METTL21A: variants seen among roughly 807,000 people sequenced by gnomAD.
The protein encoded by METTL21A is protein N-lysine methyltransferase METTL21A.
METTL21A carries 22 observed loss-of-function variants against 20.9 expected under a neutral mutation model. The observed-to-expected ratio is 1.05, with a 90% confidence interval of 0.75 to 1.50. The LOEUF is 1.50. METTL21A is among the 40% of genes most tolerant of loss of function. The pLI is 0.00. For synonymous variants in METTL21A, 93 were observed against 102.0 expected (o/e 0.91, Z 0.53); for missense variants, 271 against 266.8 (o/e 1.02, Z -0.11).
At chr2:207,600,606 A>AT (rs537103209) in intron 3 of METTL21A, 5 of 212,302 alleles carry the variant, frequency 2.4e-5, no homozygotes, top group Middle Eastern at 1.5e-3. Context: ...GGAACCACTG[A>AT]TTTTTTCAAA....
At chr2:207,592,008 T>A (rs1040204516) in intron 3 of METTL21A, among the ~76,000 whole-genome samples, 15 of 152,214 alleles carry the variant, frequency 9.9e-5, no homozygotes, top group African/African-American at 3.6e-4. Flanking sequence ...AAACTCTTTT[T>A]TACATTTCTT....
intron 3 of METTL21A, among the ~76,000 whole-genome samples, chr2:207,619,539 T>C (rs1211716082): frequency 6.6e-6 from 1 of 152,160 alleles, no homozygotes; most frequent in African/African-American, 2.4e-5. Context: ...AGCAGAGAAA[T>C]GCTTATGACA....
chr2:207,581,897 G>C, exon 4 of METTL21A: 1 of 702,900 alleles, frequency 1.4e-6, no homozygotes. Flanking sequence ...GAAGAGTAGT[G>C]ATCTGTTTTC....
chr2:207,603,077 T>A (rs979757689), intron 3 of METTL21A: 1 of 211,144 alleles, frequency 4.7e-6, no homozygotes, highest in East Asian at 7.2e-5. Context: ...GATGTTTCTA[T>A]TGGAGTTGAA....
chr2:207,582,893 AAAAAC>A, intron 3 of METTL21A: 3 of 295,364 alleles, frequency 1.0e-5, no homozygotes, highest in South Asian at 8.4e-5. Context: ...TCTGTCTCAA[AAAAAC>A]AAACAAACAA....
intron 3 of METTL21A, among the ~76,000 whole-genome samples, 166 bp downstream of exon 3, chr2:207,621,640 C>A (rs2090490897): frequency 6.6e-6 from 1 of 152,138 alleles, no homozygotes; most frequent in Non-Finnish European, 1.5e-5. Context: ...AGCCCGTTAG[C>A]CTCACTGGAG....
In METTL21A at chr2:207,600,984, T is replaced by C. The variant is rs527365482; in HGVS notation, c.260-18824A>G. The C allele has an allele frequency of 2.8e-4, 27 of 94,876 alleles. No individual in the cohort carries two copies. In the East Asian group the frequency reaches 3.6e-3, roughly 13 times the overall value. 5.9% of individuals were successfully genotyped at this position (94,876 alleles called of 1,614,324 possible). On this transcript the variant is annotated intron_variant, in intron 3 of 3. Coordinates refer to the METTL21A transcript ENST00000425132. ...AGCCACAGTCAGCTATTACCATAAA[T>C]TGGTCTCTGTTTATTTTGAAGATCA...
At position 207,621,870 on chromosome 2, in the gene METTL21A, CCT is replaced by C; in HGVS notation, c.193_194del (p.Arg65GlyfsTer38). 1.9e-6 allele frequency: 3 copies of C among 1,614,172 alleles called. No individual in the cohort carries two copies. The highest frequency in any genetic ancestry group is 2.5e-6 in the Non-Finnish European group (3 of 1,180,034). On this transcript the variant is annotated frameshift_variant, in exon 3 of 4. Transcript: ENST00000406927. LOFTEE classifies it high-confidence loss of function. ...CACCCAGCTCCACGGCAGAGCGGCC[CCT>C]GAGCTCCACAGCTCCCATCTCCAGG...
chr2:207,587,347 C>T (rs747021344), intron 3 of METTL21A, among the ~76,000 whole-genome samples: 11 of 149,800 alleles, frequency 7.3e-5, no homozygotes, highest in Non-Finnish European at 1.5e-4. Context: ...GAGCCGAGAT[C>T]GCACCACCGC....
intron 3 of METTL21A, chr2:207,597,080 T>C (rs774268018): frequency 1.3e-6 from 2 of 1,581,504 alleles, no homozygotes; most frequent in African/African-American, 1.4e-5. Flanking sequence ...AATTTTCACC[T>C]GTTAAGGTGG....
intron 2 of METTL21A, 39 bp downstream of exon 2, chr2:207,624,190 A>T: frequency 6.5e-7 from 1 of 1,544,790 alleles, no homozygotes; most frequent in Non-Finnish European, 8.7e-7. Context: ...CAGTCTTGCA[A>T]GTGTGAACGT....
intron 3 of METTL21A, among the ~76,000 whole-genome samples, chr2:207,620,019 C>T (rs2090292437): frequency 6.6e-6 from 1 of 152,264 alleles, no homozygotes; most frequent in Non-Finnish European, 1.5e-5. Context: ...CACTTTGCTA[C>T]ACTAACATGT....
At chr2:207,622,078 C>T (rs2090555054) in intron 2 of METTL21A, among the ~76,000 whole-genome samples, 161 bp from the exon 3 acceptor site, 1 of 152,132 alleles carries the variant, frequency 6.6e-6, no homozygotes, top group Non-Finnish European at 1.5e-5. Context: ...TAACCTCCCC[C>T]TTAGAGCAAG....
intron 3 of METTL21A, among the ~76,000 whole-genome samples, chr2:207,584,049 A>G (rs2083390583): frequency 6.6e-6 from 1 of 152,236 alleles, no homozygotes; most frequent in African/African-American, 2.4e-5. Flanking sequence ...TTATAGATAT[A>G]CTGTGCTTTG....
chr2:207,616,997 T>C (rs2089848873), intron 3 of METTL21A, among the ~76,000 whole-genome samples: 1 of 152,098 alleles, frequency 6.6e-6, no homozygotes, highest in South Asian at 2.1e-4. Flanking sequence ...TACATGAAGA[T>C]GGTGATAAAA....
chr2:207,619,262 T>C (rs2551942), intron 3 of METTL21A, among the ~76,000 whole-genome samples: 127,746 of 151,394 alleles, frequency 0.84, 54,088 homozygotes, highest in East Asian at 1. Flanking sequence ...AGCCTGTTTA[T>C]TGCCCCATCC....
intron 3 of METTL21A, among the ~76,000 whole-genome samples, chr2:207,595,052 G>A (rs1476501121): frequency 3.5e-5 from 5 of 144,746 alleles, no homozygotes; most frequent in South Asian, 2.2e-4. Flanking sequence ...GTAGAGTGCC[G>A]TGGTGCAATC....
intron 3 of METTL21A, among the ~76,000 whole-genome samples, chr2:207,589,576 G>GT (rs1288200295): frequency 6.6e-6 from 1 of 152,180 alleles, no homozygotes; most frequent in Non-Finnish European, 1.5e-5. Flanking sequence ...CTTAAGTAAT[G>GT]TAATAGCTGT....
chr2:207,616,235 T>C (rs2089721901), intron 3 of METTL21A, among the ~76,000 whole-genome samples: 1 of 151,996 alleles, frequency 6.6e-6, no homozygotes, highest in Non-Finnish European at 1.5e-5. Flanking sequence ...TAGAACTGTA[T>C]CTCTGAATTT....
Sources: allele counts gnomAD v4.1 joint callset (sites outside exome capture counted in the v4.1 genomes callset), GRCh38; gene constraint gnomAD v4.1.1; transcripts MANE v1.5; gene names NCBI Gene and HGNC (gene_info 2026-07-23, HGNC 2026-07-21).